ARRDC4: variants seen among roughly 807,000 people sequenced by gnomAD.
ARRDC4 encodes the protein arrestin domain containing 4, also known as arrestin domain-containing protein 4.
ARRDC4 carries 40 observed loss-of-function variants against 44.6 expected under a neutral mutation model. The observed-to-expected ratio is 0.90, with a 90% CI of 0.70 to 1.17. ARRDC4 has a LOEUF of 1.17. ARRDC4 is among the 50% of genes most tolerant of loss of function. The probability of loss-of-function intolerance (pLI) is 0.00; values close to 1 mark genes in which losing one functional copy is unlikely to be tolerated. For missense variants in ARRDC4, 550 were observed against 559.1 expected (o/e 0.98, Z 0.16); for synonymous variants, 211 against 221.2 (o/e 0.95, Z 0.41).
At chr15:97,962,746 GTC>G (rs1899343138) in intron 1 of ARRDC4, among the ~76,000 whole-genome samples, 1 of 152,088 alleles carries the variant, frequency 6.6e-6, no homozygotes, top group Non-Finnish European at 1.5e-5. Flanking sequence ...TAAAATCATA[GTC>G]TCTTTTAGTT....
intron 1 of ARRDC4, among the ~76,000 whole-genome samples, chr15:97,962,305 G>A (rs1280943669): frequency 6.6e-6 from 1 of 152,188 alleles, no homozygotes; most frequent in African/African-American, 2.4e-5. Flanking sequence ...CTGCCTTTTG[G>A]ATCAATGGGA....
rs1202580417 is a variant in ARRDC4 at position 97,965,717 on chromosome 15, T to C, written c.374+51T>C. The C allele has an allele frequency of 6.4e-7, 1 of 1,552,280 alleles. No homozygotes were observed. The highest frequency in any genetic ancestry group is 2.2e-5 in the East Asian group (1 of 44,586). On this transcript the variant is annotated intron_variant, in intron 2 of 7. Coordinates refer to ENST00000268042, the MANE Select transcript of ARRDC4 (RefSeq NM_183376.3). This position sits in a 1 kb window ranked among gnomAD's most constrained non-coding sequence, Gnocchi z 5.1. ...GTTATCCTTCTCTGCAGTATGTCCA[T>C]TCAAGTTTATCACTGCTAGGTCTCT...
intron 1 of ARRDC4, among the ~76,000 whole-genome samples, chr15:97,962,074 C>T (rs1189693773): frequency 1.3e-5 from 2 of 152,154 alleles, no homozygotes; most frequent in African/African-American, 4.8e-5. Context: ...TAAACTTTTA[C>T]GTTTTTGCCA....
rs148183361 is a variant in ARRDC4 at position 97,961,969 on chromosome 15, C to T, written c.307+801C>T. ...CCCATGTGGGGACACACTACATGAG[C>T]GTTTCATTAATATTAGATACCAAAA... On this transcript the variant is annotated intron_variant, in intron 1 of 7. Transcript: ENST00000268042. Among the ~76,000 whole-genome samples the T allele has an allele frequency of 3.1e-3, 478 of 152,302 alleles. 4 individuals carry two copies. Among genetic ancestry groups the T allele is most frequent in the African/African-American group, 0.011 (464 of 41,566 alleles).
At chr15:97,961,954 G>A (rs953382183) in intron 1 of ARRDC4, among the ~76,000 whole-genome samples, 5 of 152,128 alleles carry the variant, frequency 3.3e-5, no homozygotes, top group Non-Finnish European at 5.9e-5. Context: ...CCCATGTGGG[G>A]ACACACTACA....
At chr15:97,963,334 A>G (rs927920552) in intron 1 of ARRDC4, among the ~76,000 whole-genome samples, 4 of 152,242 alleles carry the variant, frequency 2.6e-5, no homozygotes, top group East Asian at 3.8e-4. Context: ...CTTGAGAAAG[A>G]GGAAAAGAAA....
intron 1 of ARRDC4, among the ~76,000 whole-genome samples, chr15:97,963,100 C>T (rs1899349121): frequency 6.6e-6 from 1 of 152,214 alleles, no homozygotes; most frequent in African/African-American, 2.4e-5. Context: ...GCAAGTCCCT[C>T]ACCCTTCCTG....
In ARRDC4 at chr15:97,966,965, A is replaced by T. The variant is rs1899427989; in HGVS notation, c.522+923A>T. Among the ~76,000 whole-genome samples, 1 of 152,166 alleles carries T rather than the reference A, an allele frequency of 6.6e-6. No individual in the cohort carries two copies. ...AGTTAGAAGTTGTTGTTTAAGTCTT[A>T]TTTTCGCATGAGAAAGAAATAGAAT... is the stretch of plus-strand genomic sequence containing the variant. On this transcript the variant is annotated intron_variant, in intron 3 of 7. Transcript: ENST00000268042. This position sits in a 1 kb window ranked among gnomAD's most constrained non-coding sequence, Gnocchi z 4.7.
chr15:97,962,404 A>G (rs2141531940), intron 1 of ARRDC4, among the ~76,000 whole-genome samples: 1 of 152,328 alleles, frequency 6.6e-6, no homozygotes, highest in South Asian at 2.1e-4. Flanking sequence ...GAAGCAGACA[A>G]TACAATTTGC....
rs916185318 is a variant in ARRDC4 at position 97,967,867 on chromosome 15, C to T, written c.523-147C>T. 3 of 463,482 alleles carry T rather than the reference C, an allele frequency of 6.5e-6. No individual in the cohort carries two copies. Among genetic ancestry groups the T allele is most frequent in the African/African-American group, 6.1e-5 (3 of 49,384 alleles). The allele number at this position is 463,482 out of a possible 1,614,324, so 28.7% of individuals were successfully genotyped here. ...CCCTGTGTTTTTGTGCATATTTGGC[C>T]TAATATGTTACATGAGGATAAGAAA... On this transcript the variant is annotated intron_variant, in intron 3 of 7. Coordinates refer to ENST00000268042, the MANE Select transcript of ARRDC4 (RefSeq NM_183376.3). This position sits in a 1 kb window ranked among gnomAD's most constrained non-coding sequence, Gnocchi z 5.0.
chr15:97,969,196 C>T lies in ARRDC4; in HGVS notation c.699C>T (p.Phe233=). The T allele has an allele frequency of 6.2e-7, 1 of 1,613,866 alleles. No individual in the cohort carries two copies. The highest frequency in any genetic ancestry group is 8.5e-7 in the Non-Finnish European group (1 of 1,179,870). Residue 233 remains phenylalanine, a synonymous_variant, in exon 5 of 8, where the codon TTC becomes TTT. Transcript: ENST00000268042. The stretch of plus-strand genomic sequence containing the variant: ...TGATTGTTCCAAAGGCTGCTATTTT[C>T]CAAACGCAGACATATTTGGCTAGTG... ...SRLIVPKAAI[F]QTQTYLASGK...
At position 97,960,831 on chromosome 15, in the gene ARRDC4, C is replaced by A. The variant is rs1899294347; in HGVS notation, c.-31C>A. ...GACCCCGGCTCCGGGCCTCTGCCGA[C>A]CTCAGGGGCAGGAAAGAGTCGCCCG... On this transcript the variant is annotated 5_prime_UTR_variant, in exon 1 of 8. Coordinates refer to ENST00000268042, the MANE Select transcript of ARRDC4 (RefSeq NM_183376.3). 6 of 1,292,730 alleles carry A rather than the reference C, an allele frequency of 4.6e-6. No homozygotes were observed. Among genetic ancestry groups the A allele is most frequent in the Admixed American group, 3.6e-5 (1 of 27,402 alleles). The allele number at this position is 1,292,730 out of a possible 1,614,324, so 80.1% of individuals were successfully genotyped here.
Position 97,965,300 on chromosome 15 carries a change from G to T in ARRDC4, c.308-300G>T, listed in dbSNP as rs1427517970. ...TTATTAAAAATTAGTCAAGAACCAT[G>T]GCACATGCATATAGTCCCAGCTCCT... On this transcript the variant is annotated intron_variant, in intron 1 of 7. Transcript: ENST00000268042. The surrounding 1 kb of genome is among the most constrained non-coding windows in gnomAD (Gnocchi z 5.1). Among the ~76,000 whole-genome samples, 1 of 152,080 alleles carries T rather than the reference G, an allele frequency of 6.6e-6. No homozygotes were observed. The highest frequency in any genetic ancestry group is 2.4e-5 in the African/African-American group (1 of 41,398).
rs77942847 is a variant in ARRDC4 at position 97,971,297 on chromosome 15, G to A, written c.*110G>A. On this transcript the variant is annotated 3_prime_UTR_variant, in exon 8 of 8. Transcript: ENST00000268042. ...GATTCACTTGAAAACATAAATGAAC[G>A]TCAAGACTGAAGGCAATAGAAATTA... is the stretch of plus-strand genomic sequence containing the variant. 8,389 of 1,114,290 alleles carry A rather than the reference G, an allele frequency of 7.5e-3. 450 individuals are homozygous for A. In the African/African-American group the frequency reaches 0.11, roughly 15 times the overall value. 69.0% of individuals were successfully genotyped at this position (1,114,290 alleles called of 1,614,324 possible).
Position 97,968,145 on chromosome 15 carries a change from A to G in ARRDC4, c.625+29A>G. The G allele has an allele frequency of 7.1e-7, 1 of 1,399,854 alleles. No individual in the cohort carries two copies. Among genetic ancestry groups the G allele is most frequent in the Non-Finnish European group, 9.7e-7 (1 of 1,026,822 alleles). The allele number at this position is 1,399,854 out of a possible 1,614,324, so 86.7% of individuals were successfully genotyped here. ...AGCAAAATGCTTGAAAGTCCAAATG[A>G]AAGATTTCATTCATTTTCTTAGCTA... On this transcript the variant is annotated intron_variant, in intron 4 of 7. Coordinates refer to ENST00000268042, the MANE Select transcript of ARRDC4 (RefSeq NM_183376.3). The surrounding 1 kb of genome is among the most constrained non-coding windows in gnomAD (Gnocchi z 5.4).
rs373541446 is a variant in ARRDC4, at chr15:97,969,875, C to T, written c.883-8C>T. On this transcript the variant is annotated splice_region_variant and splice_polypyrimidine_tract_variant and intron_variant, in intron 5 of 7. Transcript: ENST00000268042. The stretch of plus-strand genomic sequence containing the variant: ...CTTTCTCTTTTTTTTTTTTTTTTGG[C>T]TTATTAGGTATACATTCACATTCCT... 3,672 of 1,364,202 alleles carry T rather than the reference C, an allele frequency of 2.7e-3. 48 individuals are homozygous for T. In the African/African-American group the frequency reaches 0.049, roughly 18 times the overall value. 84.5% of individuals were successfully genotyped at this position (1,364,202 alleles called of 1,614,324 possible). A position where few individuals can be genotyped will look rare whatever the true frequency, so the allele number is the denominator to read the frequency against.
intron 1 of ARRDC4, among the ~76,000 whole-genome samples, chr15:97,962,729 T>A (rs1157374594): frequency 1.3e-5 from 2 of 152,198 alleles, no homozygotes; most frequent in South Asian, 2.1e-4. Flanking sequence ...CACAATTACA[T>A]TTTGCTTAAA....
chr15:97,973,778 TTGTA>T lies in ARRDC4; in HGVS notation c.*2594_*2597del, dbSNP rs1899554169. ...TTAACCCACAGGAAAAAAAATTACTTTGTATGCTTGTTTGAACCCTATGGGTTCG... is the reference window on the plus strand; with the variant it reads ...TTAACCCACAGGAAAAAAAATTACTTTGCTTGTTTGAACCCTATGGGTTCG... On this transcript the variant is annotated 3_prime_UTR_variant, in exon 8 of 8. Transcript: ENST00000268042. The T allele has an allele frequency of 6.6e-6, 1 of 152,480 alleles. No homozygotes were observed. Among genetic ancestry groups the T allele is most frequent in the South Asian group, 2.1e-4 (1 of 4,826 alleles). The allele number at this position is 152,480 out of a possible 1,614,324, so 9.4% of individuals were successfully genotyped here.
rs1425452332 is a variant in ARRDC4, at chr15:97,960,879, G to C, written c.18G>C (p.Gly6=). 1.4e-6 allele frequency: 2 copies of C among 1,388,554 alleles called. No homozygotes were observed. Among genetic ancestry groups the C allele is most frequent in the Non-Finnish European group, 1.9e-6 (2 of 1,062,520 alleles). 86.0% of individuals were successfully genotyped at this position (1,388,554 alleles called of 1,614,324 possible). The change falls in exon 1 of 8, where the codon GGG becomes GGC. Residue 6 remains glycine, a synonymous_variant. Transcript: ENST00000268042. ...CCGGCGGGATGGGCGGGGAGGCTGG[G>C]TGCGCGGCGGCCGTGGGTGCCGAGG... The part of the protein sequence containing the change: MGGEA[G]CAAAVGAEGR...
Sources: gnomAD v4.1 joint callset for allele counts (sites outside exome capture counted in the v4.1 genomes callset) on GRCh38, gnomAD v4.1.1 for gene constraint, Gnocchi (gnomAD v3.1) non-coding constraint, MANE v1.5 for transcripts, NCBI Gene and HGNC (gene_info 2026-07-23, HGNC 2026-07-21) for gene names.